The following TMEM223 variants were observed in gnomAD, a reference collection of about 807,000 sequenced individuals.
TMEM223 encodes transmembrane protein 223.
A neutral mutation model predicts 14.1 loss-of-function variants in TMEM223; 14 were observed. The observed-to-expected ratio is 0.99, with a 90% CI of 0.66 to 1.55. The LOEUF is 1.55. Among genes scored for constraint, TMEM223 ranks in the 40% most tolerant of loss-of-function variants. The probability of loss-of-function intolerance (pLI) is 0.00; values close to 1 mark genes in which losing one functional copy is unlikely to be tolerated. For synonymous variants in TMEM223, 145 were observed against 120.5 expected (o/e 1.20, Z -1.33); for missense variants, 346 against 269.9 (o/e 1.28, Z -1.97).
At chr11:62,778,226 T>A (rs1590934104) in intron 1 of TMEM223, 1 of 1,613,038 alleles carries the variant, frequency 6.2e-7, no homozygotes, top group African/African-American at 1.3e-5. Flanking sequence ...CTTGGAGGGG[T>A]AGGCGGTACT....
chr11:62,785,123 G>A (rs1483064176), downstream of TMEM223, among the ~76,000 whole-genome samples: 1 of 148,376 alleles, frequency 6.7e-6, no homozygotes, highest in East Asian at 2.0e-4. Flanking sequence ...CAAGCGTGAG[G>A]CACTGCACCT....
chr11:62,782,947 G>C, downstream of TMEM223: 1 of 1,427,400 alleles, frequency 7.0e-7, no homozygotes, highest in Non-Finnish European at 9.4e-7. Flanking sequence ...TTGAGTTCTG[G>C]CCTTAGGCCA....
At position 62,790,167 on chromosome 11, in the gene TMEM223, G is replaced by A. The variant is rs2084342965; in HGVS notation, c.*456C>T. 3.8e-6 allele frequency: 4 copies of A among 1,060,770 alleles called. No homozygotes were observed. The highest frequency in any genetic ancestry group is 3.4e-5 in the South Asian group (2 of 58,154). The allele number at this position is 1,060,770 out of a possible 1,614,324, so 65.7% of individuals were successfully genotyped here. On this transcript the variant is annotated 3_prime_UTR_variant, in exon 2 of 2. Transcript: ENST00000307366. ...TTTCCTTTCGTTGGGGGGTGGGGGG[G>A]AAACATAATGACAGGCCCCCCTCCA...
At position 62,790,411 on chromosome 11, in the gene TMEM223, T is replaced by TA. The variant is rs1479227985; in HGVS notation, c.*211dup. 20 of 582,498 alleles carry TA rather than the reference T, an allele frequency of 3.4e-5. No homozygotes were observed. Among genetic ancestry groups the TA allele is most frequent in the Middle Eastern group, 4.5e-4 (1 of 2,206 alleles). 36.1% of individuals were successfully genotyped at this position (582,498 alleles called of 1,614,324 possible). ...GACCTCCTTGTGTGACCCTGGTTGT[T>TA]ACTCCATTCTAAGATTGGCGTTTTT... is the stretch of plus-strand genomic sequence containing the variant. On this transcript the variant is annotated 3_prime_UTR_variant, in exon 2 of 2. Coordinates refer to ENST00000307366, the MANE Select transcript of TMEM223 (RefSeq NM_001080501.3).
chr11:62,787,293 C>G (rs372003013), downstream of TMEM223: 28 of 1,539,588 alleles, frequency 1.8e-5, no homozygotes, highest in East Asian at 2.8e-4. Flanking sequence ...ACTTGCCGCT[C>G]TGAGTCAGTG....
downstream of TMEM223, chr11:62,786,430 T>TG (rs370454121): frequency 1.4e-5 from 23 of 1,602,074 alleles, no homozygotes; most frequent in African/African-American, 2.5e-4. Context: ...CTGCATGAGC[T>TG]TAGCAGCCAA....
At chr11:62,779,247 T>C (rs752019530) in intron 1 of TMEM223, among the ~76,000 whole-genome samples, 9 of 152,058 alleles carry the variant, frequency 5.9e-5, no homozygotes, top group Non-Finnish European at 8.8e-5. Context: ...CAGGCTGGAG[T>C]GCAGTGGCGC....
intron 1 of TMEM223, among the ~76,000 whole-genome samples, chr11:62,774,926 G>C (rs371673867): frequency 1.3e-5 from 2 of 151,358 alleles, no homozygotes; most frequent in Non-Finnish European, 1.5e-5. Context: ...CCATCCGGGC[G>C]TGGTGGCAGG....
intron 1 of TMEM223, among the ~76,000 whole-genome samples, chr11:62,775,203 TAGG>T (rs1216911487): frequency 6.6e-6 from 1 of 152,094 alleles, no homozygotes; most frequent in African/African-American, 2.4e-5. Context: ...TGGCTGCAGC[TAGG>T]AGAAGTGCCG....
At chr11:62,771,903 C>A (rs1295827294) in exon 3 of TMEM223, 9 of 316,302 alleles carry the variant, frequency 2.8e-5, no homozygotes, top group Non-Finnish European at 5.7e-5. Context: ...AGCTTCACAA[C>A]GATCTATTGG....
downstream of TMEM223, chr11:62,787,328 T>TC (rs1565192046): frequency 1.3e-6 from 2 of 1,523,342 alleles, no homozygotes; most frequent in Non-Finnish European, 1.8e-6. Flanking sequence ...TGTAAATAAA[T>TC]CCCGCCCCCG....
chr11:62,787,984 T>C (rs1173879861), downstream of TMEM223: 4 of 465,758 alleles, frequency 8.6e-6, no homozygotes, highest in African/African-American at 2.0e-5. Context: ...GAGAAAACGC[T>C]GACGTAAAGG....
intron 1 of TMEM223, chr11:62,778,007 A>G: frequency 6.2e-7 from 1 of 1,614,168 alleles, no homozygotes; most frequent in Non-Finnish European, 8.5e-7. Context: ...CACAGGAGGC[A>G]CTGCCCATGC....
downstream of TMEM223, chr11:62,787,271 A>C: frequency 6.4e-7 from 1 of 1,561,060 alleles, no homozygotes; most frequent in Non-Finnish European, 8.6e-7. Flanking sequence ...GCGCTCTCGG[A>C]CTACTCGCTG....
rs1554996873 is a variant in TMEM223, at chr11:62,779,952, C to CTACATATATATATATATA, written c.315-5288_315-5287insTATATATATATATATGTA. ...AAGTGGTGGGATTACAGGCGTGAGC[C>CTACATATATATATATATA]TATATATATATATATATATATATAT... is the stretch of plus-strand genomic sequence containing the variant. On this transcript the variant is annotated intron_variant, in intron 1 of 2. Coordinates refer to the TMEM223 transcript ENST00000528367. Among the ~76,000 whole-genome samples, 33 of 100,034 alleles carry CTACATATATATATATATA rather than the reference C, an allele frequency of 3.3e-4. 1 individual carries two copies. The highest frequency in any genetic ancestry group is 7.6e-4 in the African/African-American group (17 of 22,434). 65.6% of individuals were successfully genotyped at this position (100,034 alleles called of 152,430 possible).
At chr11:62,786,817 A>G (rs754871167), downstream of TMEM223, 1 of 1,606,610 alleles carries the variant, frequency 6.2e-7, no homozygotes, top group Non-Finnish European at 8.5e-7. Flanking sequence ...GCCTGCACCC[A>G]CGGCTCCGCG....
At chr11:62,775,546 C>A in intron 1 of TMEM223, 1 of 491,874 alleles carries the variant, frequency 2.0e-6, no homozygotes, top group Non-Finnish European at 3.6e-6. Context: ...GGACCTAGTT[C>A]TGTGAACCCC....
intron 1 of TMEM223, among the ~76,000 whole-genome samples, chr11:62,775,370 T>C (rs2084179036): frequency 6.6e-6 from 1 of 152,216 alleles, no homozygotes; most frequent in African/African-American, 2.4e-5. Context: ...AAGGTGAGAT[T>C]TGTGCGGGGA....
At chr11:62,779,586 A>G (rs1590934893) in intron 1 of TMEM223, among the ~76,000 whole-genome samples, 2 of 152,162 alleles carry the variant, frequency 1.3e-5, no homozygotes, top group East Asian at 3.9e-4. Flanking sequence ...TTGGCCTCCC[A>G]AAGTGTTGGG....
Sources: gnomAD v4.1 joint callset for allele counts (sites outside exome capture counted in the v4.1 genomes callset) on GRCh38, gnomAD v4.1.1 for gene constraint, MANE v1.5 for transcripts, NCBI Gene and HGNC (gene_info 2026-07-23, HGNC 2026-07-21) for gene names.